The following GRM5 variants were observed in gnomAD, a reference collection of about 807,000 sequenced individuals.
The protein encoded by GRM5 is glutamate metabotropic receptor 5.
Under a neutral mutation model 83.1 loss-of-function variants are expected in GRM5, and 19 were observed. That is an observed-to-expected ratio of 0.23 (90% CI 0.16 to 0.34). The LOEUF (loss-of-function observed/expected upper bound fraction) is 0.34, where lower values mean the gene tolerates loss of function less well. Ranked by LOEUF, GRM5 falls within the 10% of genes least tolerant of loss-of-function variation. The pLI is 1.00. For missense variants in GRM5, 1,160 were observed against 1,588.3 expected, an observed-to-expected ratio of 0.73 and a Z score of 4.58; for synonymous variants, 675 against 633.6, an observed-to-expected ratio of 1.07 and a Z score of -0.98.
rs1354619919 is a variant in GRM5, at chr11:88,961,135, G to A, written c.661+86077C>T. ...AATCTCTAGGTGAGAAATTCTTCAA[G>A]AATAGCCTAAATAATTCAAGGAGGT... On this transcript the variant is annotated intron_variant, in intron 2 of 9. Transcript: ENST00000305447. Among the ~76,000 whole-genome samples the A allele has an allele frequency of 2.0e-5, 3 of 152,088 alleles. No individual in the cohort carries two copies. The East Asian group carries it at 5.8e-4, about 29-fold the overall frequency.
chr11:88,641,640 T>A (rs1939297091), intron 4 of GRM5, among the ~76,000 whole-genome samples: 1 of 152,120 alleles, frequency 6.6e-6, no homozygotes, highest in African/African-American at 2.4e-5. Flanking sequence ...AGGGAGAAAT[T>A]TGCCAAAAGA....
intron 2 of GRM5, among the ~76,000 whole-genome samples, chr11:88,907,508 A>G (rs937124429): frequency 1.3e-5 from 2 of 152,234 alleles, no homozygotes; most frequent in African/African-American, 4.8e-5. Context: ...GAAGGCTTCT[A>G]GTGCTCTATC....
intron 2 of GRM5, among the ~76,000 whole-genome samples, chr11:88,899,965 G>A (rs1371923388): frequency 6.6e-6 from 1 of 151,950 alleles, no homozygotes; most frequent in African/African-American, 2.4e-5. Context: ...TTAATAAAAT[G>A]TAAGAAGACT....
chr11:88,831,417 C>A (rs1943992043), intron 3 of GRM5, among the ~76,000 whole-genome samples: 1 of 152,206 alleles, frequency 6.6e-6, no homozygotes, highest in South Asian at 2.1e-4. Context: ...GCAACTCCAC[C>A]ATTCCCAGAA....
chr11:88,569,354 A>G (rs1057107988), intron 7 of GRM5, among the ~76,000 whole-genome samples: 1 of 152,192 alleles, frequency 6.6e-6, no homozygotes, highest in Non-Finnish European at 1.5e-5. Flanking sequence ...CATTTGAGGA[A>G]TGTAGCAGAA....
intron 2 of GRM5, among the ~76,000 whole-genome samples, chr11:88,871,971 GA>G (rs898612447): frequency 2.7e-5 from 4 of 150,748 alleles, no homozygotes; most frequent in East Asian, 1.9e-4. Flanking sequence ...TAAATGTTAG[GA>G]AAAAAAACAG....
At chr11:88,579,097 C>T (rs572980899) in intron 7 of GRM5, among the ~76,000 whole-genome samples, 1 of 152,026 alleles carries the variant, frequency 6.6e-6, no homozygotes, top group Non-Finnish European at 1.5e-5. Context: ...TGATTCCAAC[C>T]TTTTTTAAAG....
chr11:88,790,728 G>A (rs191285841), intron 3 of GRM5, among the ~76,000 whole-genome samples: 21 of 152,214 alleles, frequency 1.4e-4, no homozygotes, highest in Non-Finnish European at 2.6e-4. Flanking sequence ...GGCAACAGAG[G>A]TAATGGTTTG....
At chr11:88,879,400 A>G (rs1291406097) in intron 2 of GRM5, among the ~76,000 whole-genome samples, 3 of 151,644 alleles carry the variant, frequency 2.0e-5, no homozygotes, top group Non-Finnish European at 2.9e-5. Context: ...AGATACCATA[A>G]AAGAGCTTAA....
chr11:88,769,598 A>G (rs1263607010), intron 3 of GRM5, among the ~76,000 whole-genome samples: 2 of 152,032 alleles, frequency 1.3e-5, no homozygotes, highest in African/African-American at 2.4e-5. Flanking sequence ...AATAACAGCA[A>G]CAGCAAGAAC....
intron 2 of GRM5, among the ~76,000 whole-genome samples, chr11:88,864,462 GCTCT>G (rs1298686672): frequency 6.6e-6 from 1 of 151,858 alleles, no homozygotes; most frequent in Non-Finnish European, 1.5e-5. Flanking sequence ...TCATGATTTG[GCTCT>G]CTGTTTGTCT....
At chr11:88,915,194 G>C (rs943333629) in intron 2 of GRM5, among the ~76,000 whole-genome samples, 26 of 151,940 alleles carry the variant, frequency 1.7e-4, no homozygotes, top group African/African-American at 5.8e-4. Flanking sequence ...TGAAGGAGGA[G>C]GACAGAGAGG....
intron 8 of GRM5, among the ~76,000 whole-genome samples, chr11:88,563,027 A>G (rs1942792650): frequency 6.6e-6 from 1 of 152,192 alleles, no homozygotes; most frequent in South Asian, 2.1e-4. Context: ...CTCCCTCCAC[A>G]ATTTTTATAA....
intron 2 of GRM5, among the ~76,000 whole-genome samples, chr11:88,999,056 T>A (rs1189887527): frequency 6.6e-6 from 1 of 152,064 alleles, no homozygotes; most frequent in Non-Finnish European, 1.5e-5. Flanking sequence ...TGAAACTGGA[T>A]CCCTTCCTTA....
At chr11:88,812,336 A>C (rs12276706) in intron 3 of GRM5, among the ~76,000 whole-genome samples, 3,869 of 152,220 alleles carry the variant, frequency 0.025, 171 homozygotes, top group African/African-American at 0.089. Context: ...TTTGTGAGAG[A>C]TGCTCAGTTA....
chr11:88,781,854 A>G (rs7119749), intron 3 of GRM5, among the ~76,000 whole-genome samples: 75,400 of 152,054 alleles, frequency 0.5, 22,634 homozygotes, highest in Non-Finnish European at 0.7. Flanking sequence ...GCTGAGCAGA[A>G]GAATTACAAG....
chr11:88,772,180 T>C, intron 3 of GRM5, among the ~76,000 whole-genome samples: 1 of 152,112 alleles, frequency 6.6e-6, no homozygotes, highest in East Asian at 1.9e-4. Context: ...TGAAACATTA[T>C]TATTGCTCTT....
At chr11:88,849,766 G>A in intron 3 of GRM5, 140 bp downstream of exon 3, 1 of 778,244 alleles carries the variant, frequency 1.3e-6, no homozygotes, top group Non-Finnish European at 2.2e-6. Flanking sequence ...CCAGGCACAG[G>A]TGCGTTATGA....
intron 2 of GRM5, among the ~76,000 whole-genome samples, chr11:88,897,252 C>T (rs1478364797): frequency 6.6e-6 from 1 of 151,802 alleles, no homozygotes; most frequent in Non-Finnish European, 1.5e-5. Context: ...TGACATTCAC[C>T]AAACTTAAAA....
Sources: gnomAD v4.1 joint callset for allele counts (sites outside exome capture counted in the v4.1 genomes callset) on GRCh38, gnomAD v4.1.1 for gene constraint, MANE v1.5 for transcripts, NCBI Gene and HGNC (gene_info 2026-07-23, HGNC 2026-07-21) for gene names.